Variants in ADGRL2 observed in about 807,000 individuals in gnomAD.
The protein encoded by ADGRL2 is adhesion G protein-coupled receptor L2.
ADGRL2 carries 44 observed loss-of-function variants against 157.4 expected under a neutral mutation model. The ratio of observed to expected loss-of-function variants is 0.28; its 90% CI spans 0.22 to 0.36. The LOEUF (loss-of-function observed/expected upper bound fraction) is 0.36. Ranked by LOEUF, ADGRL2 falls within the 10% of genes least tolerant of loss-of-function variation. ADGRL2 has a pLI of 1.00. For synonymous variants in ADGRL2, 585 were observed against 624.7 expected (o/e 0.94, Z 0.95); for missense variants, 1,510 against 1,768.9 (o/e 0.85, Z 2.63).
intron 1 of ADGRL2, among the ~76,000 whole-genome samples, chr1:81,718,436 G>A (rs1489923364): frequency 6.6e-6 from 1 of 151,710 alleles, no homozygotes; most frequent in African/African-American, 2.4e-5. Flanking sequence ...AACCTGTAGA[G>A]CTATGAGTTG....
chr1:81,956,844 A>C (rs1653653924), intron 11 of ADGRL2, among the ~76,000 whole-genome samples: 1 of 152,146 alleles, frequency 6.6e-6, no homozygotes, highest in East Asian at 1.9e-4. Flanking sequence ...AGCAGTGCTA[A>C]CTTCATTAGG....
intron 3 of ADGRL2, among the ~76,000 whole-genome samples, chr1:81,929,795 A>C (rs981747966): frequency 6.6e-6 from 1 of 152,166 alleles, no homozygotes; most frequent in East Asian, 1.9e-4. Flanking sequence ...TTCATCTTAC[A>C]TAGGGGACAT....
intron 2 of ADGRL2, among the ~76,000 whole-genome samples, chr1:81,546,254 C>T (rs1414776303): frequency 5.9e-5 from 9 of 152,036 alleles, no homozygotes; most frequent in Non-Finnish European, 1.2e-4. Context: ...ATCTTTCTGC[C>T]CAGCACTATG....
chr1:81,310,475 A>G (rs879486182), intron 1 of ADGRL2, among the ~76,000 whole-genome samples: 1 of 152,180 alleles, frequency 6.6e-6, no homozygotes, highest in Non-Finnish European at 1.5e-5. Flanking sequence ...AGTTTGCAGA[A>G]CATGGGTCAG....
chr1:81,786,234 A>G (rs181270570), intron 2 of ADGRL2, among the ~76,000 whole-genome samples: 67 of 152,356 alleles, frequency 4.4e-4, no homozygotes, highest in African/African-American at 1.3e-3. Context: ...TAATATACTA[A>G]TAACACTCAC....
intron 3 of ADGRL2, among the ~76,000 whole-genome samples, chr1:81,614,363 T>G (rs1253924755): frequency 6.6e-6 from 1 of 152,202 alleles, no homozygotes; most frequent in South Asian, 2.1e-4. Context: ...TCAATACAAA[T>G]GTCCTAATGG....
intron 1 of ADGRL2, chr1:81,722,301 A>AC (rs1400528604): frequency 3.7e-5 from 21 of 562,448 alleles, no homozygotes; most frequent in Non-Finnish European, 4.9e-5. Context: ...TAAAAAAAAA[A>AC]GAAAATGCAG....
At chr1:81,676,298 C>T (rs1300444404) in intron 3 of ADGRL2, among the ~76,000 whole-genome samples, 3 of 151,940 alleles carry the variant, frequency 2.0e-5, no homozygotes, top group African/African-American at 7.3e-5. Context: ...TGAGAGCCAC[C>T]GCGCCCGGCC....
intron 3 of ADGRL2, chr1:81,588,309 G>A (rs1186828634): frequency 1.3e-5 from 2 of 152,168 alleles, no homozygotes; most frequent in Admixed American, 6.6e-5. Flanking sequence ...CAGCCGCTGG[G>A]GAACAAGAAG....
At chr1:81,977,910 T>C (rs926888183) in intron 17 of ADGRL2, among the ~76,000 whole-genome samples, 1 of 151,688 alleles carries the variant, frequency 6.6e-6, no homozygotes, top group Non-Finnish European at 1.5e-5. Context: ...GGAGAACAAT[T>C]TAAAGGATTT....
intron 2 of ADGRL2, among the ~76,000 whole-genome samples, chr1:81,882,562 C>T (rs1233897564): frequency 1.3e-5 from 2 of 152,070 alleles, no homozygotes; most frequent in African/African-American, 4.8e-5. Context: ...CCTTTTGTAT[C>T]CATGACATAT....
chr1:81,409,545 G>T (rs1169249129), intron 1 of ADGRL2, among the ~76,000 whole-genome samples: 1 of 152,140 alleles, frequency 6.6e-6, no homozygotes, highest in Non-Finnish European at 1.5e-5. Context: ...AGCTCCCAGT[G>T]ACTTCAAACA....
intron 3 of ADGRL2, among the ~76,000 whole-genome samples, chr1:81,682,102 T>C (rs1322267387): frequency 8.0e-6 from 1 of 124,456 alleles, no homozygotes; most frequent in Non-Finnish European, 1.7e-5. Flanking sequence ...TATACATATA[T>C]ATGTGTGTGT....
intron 1 of ADGRL2, among the ~76,000 whole-genome samples, chr1:81,377,822 G>A (rs1217746620): frequency 1.3e-5 from 2 of 152,040 alleles, no homozygotes; most frequent in Admixed American, 6.6e-5. Flanking sequence ...CATCTCTCAT[G>A]ATTTTGTACC....
At chr1:81,517,303 T>A (rs1235246339) in intron 2 of ADGRL2, among the ~76,000 whole-genome samples, 1 of 151,408 alleles carries the variant, frequency 6.6e-6, no homozygotes, top group Non-Finnish European at 1.5e-5. Context: ...AAACCCCATC[T>A]CTACTAAAAA....
At chr1:81,692,799 A>G (rs533470273) in intron 3 of ADGRL2, among the ~76,000 whole-genome samples, 1 of 152,344 alleles carries the variant, frequency 6.6e-6, no homozygotes, top group South Asian at 2.1e-4. Context: ...AGATGTCAAT[A>G]GTTTAAAATT....
At chr1:81,724,988 A>C (rs1177187239) in intron 1 of ADGRL2, among the ~76,000 whole-genome samples, 1 of 151,820 alleles carries the variant, frequency 6.6e-6, no homozygotes, top group Non-Finnish European at 1.5e-5. Context: ...GGTGGATCAC[A>C]AGGTCAGGAG....
chr1:81,985,318 C>A lies in ADGRL2; in HGVS notation c.3471C>A (p.Ile1157=), dbSNP rs1182776340. 6.2e-7 allele frequency: 1 copy of A among 1,606,742 alleles called. No homozygotes were observed. Among genetic ancestry groups the A allele is most frequent in the Admixed American group, 1.7e-5 (1 of 59,576 alleles). ...TVRKQSESSF[I]SGDINSTSTL... ...GAAAACAATCAGAATCTTCTTTTAT[C>A]TCAGGTGACATCAATAGCACTTCAA... The change falls in exon 21 of 24, where the codon ATC becomes ATA. Residue 1157 remains isoleucine, a synonymous_variant. Coordinates refer to ENST00000686636, the MANE Select transcript of ADGRL2 (RefSeq NM_001366006.2).
intron 2 of ADGRL2, among the ~76,000 whole-genome samples, chr1:81,776,478 C>T (rs947687115): frequency 4.6e-5 from 7 of 152,258 alleles, no homozygotes; most frequent in East Asian, 3.9e-4. Context: ...TGAGCCACCA[C>T]GCCTGGCCAG....
Sources: allele counts gnomAD v4.1 joint callset (sites outside exome capture counted in the v4.1 genomes callset), GRCh38; gene constraint gnomAD v4.1.1; transcripts MANE v1.5; gene names NCBI Gene and HGNC (gene_info 2026-07-23, HGNC 2026-07-21).